The following MARCHF3 variants were observed in gnomAD, a reference collection of about 807,000 sequenced individuals.
MARCHF3 encodes the protein membrane associated ring-CH-type finger 3, also known as E3 ubiquitin-protein ligase MARCHF3.
A neutral mutation model predicts 24.2 loss-of-function variants in MARCHF3; 13 were observed. The ratio of observed to expected loss-of-function variants is 0.54; its 90% CI spans 0.35 to 0.85. The LOEUF is 0.85. MARCHF3 is among the 40% of genes least tolerant of loss of function. The pLI is 0.01. For missense variants in MARCHF3, 276 were observed against 325.0 expected (o/e 0.85, Z 1.16); for synonymous variants, 144 against 137.3 (o/e 1.05, Z -0.34).
At chr5:126,938,093 G>A (rs1199564589) in intron 1 of MARCHF3, among the ~76,000 whole-genome samples, 1 of 151,674 alleles carries the variant, frequency 6.6e-6, no homozygotes, top group Non-Finnish European at 1.5e-5. Flanking sequence ...TGAGCACCTC[G>A]GATTTTTGCA....
chr5:126,916,688 G>GACACACACACACACACACACACAC (rs756972169), intron 2 of MARCHF3, among the ~76,000 whole-genome samples: 1 of 76,442 alleles, frequency 1.3e-5, no homozygotes, highest in African/African-American at 4.4e-5. Context: ...CAGACAGACA[G>GACACACACACACACACACACACAC]ACAGACACAC....
At chr5:126,979,947 T>C (rs1249741174) in intron 1 of MARCHF3, among the ~76,000 whole-genome samples, 4 of 55,274 alleles carry the variant, frequency 7.2e-5, no homozygotes, top group South Asian at 7.0e-4. Context: ...AAACTCCATC[T>C]CAAAAAAAAA....
At chr5:127,000,816 G>A (rs1216048769) in intron 1 of MARCHF3, among the ~76,000 whole-genome samples, 2 of 151,058 alleles carry the variant, frequency 1.3e-5, no homozygotes, top group Admixed American at 6.6e-5. Flanking sequence ...ACAGGCGCCC[G>A]CCACCACGCC....
intron 1 of MARCHF3, among the ~76,000 whole-genome samples, chr5:126,949,001 G>GA (rs554541759): frequency 1.4e-4 from 21 of 151,668 alleles, no homozygotes; most frequent in African/African-American, 3.9e-4. Flanking sequence ...TTACCATCAA[G>GA]AAAAAAAACT....
chr5:127,011,467 G>A (rs1432151915), intron 1 of MARCHF3, among the ~76,000 whole-genome samples: 3 of 152,154 alleles, frequency 2.0e-5, no homozygotes, highest in Non-Finnish European at 4.4e-5. Context: ...ATGAGGTATT[G>A]TCTCTCATTT....
At position 126,939,897 on chromosome 5, in the gene MARCHF3, G is replaced by GT. The variant is rs1221053674; in HGVS notation, c.-56-21671_-56-21670insA. On this transcript the variant is annotated intron_variant, in intron 1 of 4. Transcript: ENST00000308660. Reference sequence around the variant, plus strand: ...CATTGAACTCATGACCAACAGCACTGCAACTCGTGCATGAACGAAGCTTAC... The same window carrying GT: ...CATTGAACTCATGACCAACAGCACTGTCAACTCGTGCATGAACGAAGCTTAC... Among the ~76,000 whole-genome samples, 6 of 152,154 alleles carry GT rather than the reference G, an allele frequency of 3.9e-5. No individual in the cohort carries two copies. The East Asian group carries it at 1.2e-3, about 29-fold the overall frequency.
intron 1 of MARCHF3, among the ~76,000 whole-genome samples, chr5:126,969,621 C>G (rs1258466576): frequency 6.6e-6 from 1 of 152,174 alleles, no homozygotes; most frequent in East Asian, 1.9e-4. Context: ...GATGGCTGCA[C>G]TTCTTTCATT....
rs570999054 is a variant in MARCHF3, at chr5:126,909,215, CT to C, written c.393+5714del. Among the ~76,000 whole-genome samples, 274 of 152,350 alleles carry C rather than the reference CT, an allele frequency of 1.8e-3. 1 individual carries two copies. The highest frequency in any genetic ancestry group is 6.2e-3 in the African/African-American group (258 of 41,584). On this transcript the variant is annotated intron_variant, in intron 3 of 4. Transcript: ENST00000308660. ...GCTGCATGCTGGGAGAACCACTGCT[CT>C]TTTCAAAGCTGTCAGACAGGGACAT...
intron 1 of MARCHF3, among the ~76,000 whole-genome samples, chr5:127,024,000 A>G (rs1382983116): frequency 6.6e-6 from 1 of 152,150 alleles, no homozygotes; most frequent in African/African-American, 2.4e-5. Flanking sequence ...GTTTCAAAGT[A>G]GGACTCATGA....
In MARCHF3 at chr5:126,985,137, ACT is replaced by A. The variant is rs1396116363; in HGVS notation, c.-57+45211_-57+45212del. ...GAGGATGGGGATTTCCTTTGGGGGG[ACT>A]ACTCTTGGCTTTTGTAACATGCATT... On this transcript the variant is annotated intron_variant, in intron 1 of 4. Coordinates refer to ENST00000308660, the MANE Select transcript of MARCHF3 (RefSeq NM_178450.5). Among the ~76,000 whole-genome samples, 4 of 152,126 alleles carry A rather than the reference ACT, an allele frequency of 2.6e-5. No homozygotes were observed. The East Asian group carries it at 7.7e-4, about 29-fold the overall frequency.
intron 1 of MARCHF3, among the ~76,000 whole-genome samples, chr5:127,000,280 C>A (rs150960533): frequency 8.6e-6 from 1 of 116,300 alleles, no homozygotes; most frequent in Non-Finnish European, 1.9e-5. Flanking sequence ...AATGCCTGTT[C>A]TCACACTCTG....
At chr5:126,906,324 A>G (rs376377637) in intron 3 of MARCHF3, among the ~76,000 whole-genome samples, 4 of 152,280 alleles carry the variant, frequency 2.6e-5, no homozygotes, top group African/African-American at 7.2e-5. Context: ...GATGATGCTG[A>G]CCTCATAAAA....
At chr5:126,969,726 A>G (rs1750935960) in intron 1 of MARCHF3, among the ~76,000 whole-genome samples, 1 of 152,162 alleles carries the variant, frequency 6.6e-6, no homozygotes, top group African/African-American at 2.4e-5. Context: ...CATTAGAATC[A>G]CCTGGAGAGT....
At chr5:126,957,908 G>A (rs930590268) in intron 1 of MARCHF3, among the ~76,000 whole-genome samples, 2 of 151,884 alleles carry the variant, frequency 1.3e-5, no homozygotes, top group Non-Finnish European at 2.9e-5. Flanking sequence ...TCTCATCTAG[G>A]AACATAGTAT....
chr5:126,905,772 T>C (rs1754269534), intron 3 of MARCHF3, among the ~76,000 whole-genome samples: 1 of 151,938 alleles, frequency 6.6e-6, no homozygotes, highest in Non-Finnish European at 1.5e-5. Context: ...CAGGGACAAT[T>C]TGACTTCCTC....
chr5:126,965,673 T>TAGTG (rs1750783073), intron 1 of MARCHF3, among the ~76,000 whole-genome samples: 1 of 151,986 alleles, frequency 6.6e-6, no homozygotes, highest in Non-Finnish European at 1.5e-5. Context: ...GCACACAAAA[T>TAGTG]AGTGAGTCAG....
intron 1 of MARCHF3, among the ~76,000 whole-genome samples, chr5:126,989,234 G>A (rs73337269): frequency 0.016 from 2,385 of 151,858 alleles, 56 homozygotes; most frequent in African/African-American, 0.051. Context: ...GGCTATGATC[G>A]CACCACTGCA....
intron 3 of MARCHF3, among the ~76,000 whole-genome samples, chr5:126,907,819 C>T (rs576561075): frequency 1.1e-3 from 173 of 151,224 alleles, no homozygotes; most frequent in African/African-American, 4.1e-3. Context: ...AGTCCATTTA[C>T]ATTTAAAGTT....
intron 3 of MARCHF3, chr5:126,898,835 T>A (rs1381329181): frequency 2.1e-6 from 2 of 971,424 alleles, no homozygotes; most frequent in African/African-American, 3.5e-5. Context: ...ATAGCATCGC[T>A]AGAGGTGAAG....
Sources: gnomAD v4.1 joint callset for allele counts (sites outside exome capture counted in the v4.1 genomes callset) on GRCh38, gnomAD v4.1.1 for gene constraint, MANE v1.5 for transcripts, NCBI Gene and HGNC (gene_info 2026-07-23, HGNC 2026-07-21) for gene names.